Variants in RSRC1 observed in about 807,000 individuals in gnomAD.
RSRC1 encodes arginine and serine rich coiled-coil 1, also known as serine/Arginine-related protein 53.
Under a neutral mutation model 49.1 loss-of-function variants are expected in RSRC1, and 39 were observed. The ratio of observed to expected loss-of-function variants is 0.79; its 90% confidence interval spans 0.61 to 1.04. The LOEUF (loss-of-function observed/expected upper bound fraction) is 1.04. RSRC1 is among the 50% of genes least tolerant of loss of function. RSRC1 has a pLI of 0.00. For missense variants in RSRC1, 388 were observed against 402.4 expected (o/e 0.96, Z 0.31); for synonymous variants, 143 against 130.8 (o/e 1.09, Z -0.63).
At chr3:158,150,131 A>G (rs547911066) in intron 3 of RSRC1, among the ~76,000 whole-genome samples, 1 of 152,346 alleles carries the variant, frequency 6.6e-6, no homozygotes, top group African/African-American at 2.4e-5. Flanking sequence ...AAAAGTTGTA[A>G]AGGACCAAGT....
chr3:158,173,791 C>A (rs1470779732), intron 3 of RSRC1, among the ~76,000 whole-genome samples: 1 of 151,924 alleles, frequency 6.6e-6, no homozygotes, highest in African/African-American at 2.4e-5. Context: ...GAACCAACCA[C>A]TGATGAATGC....
chr3:158,466,262 T>C (rs1284586620), intron 7 of RSRC1, among the ~76,000 whole-genome samples: 3 of 152,330 alleles, frequency 2.0e-5, no homozygotes, highest in East Asian at 3.9e-4. Context: ...CTTTATGGAA[T>C]TGGAAGCCAA....
At chr3:158,248,808 G>A (rs146407944) in intron 4 of RSRC1, among the ~76,000 whole-genome samples, 111 of 152,114 alleles carry the variant, frequency 7.3e-4, no homozygotes, top group Middle Eastern at 3.4e-3. Context: ...ATGTTGCCAG[G>A]GCTGGTCTCA....
chr3:158,339,688 A>G (rs953168903), intron 5 of RSRC1, among the ~76,000 whole-genome samples: 4 of 152,220 alleles, frequency 2.6e-5, no homozygotes, highest in Non-Finnish European at 2.9e-5. Flanking sequence ...TTTATCTCAA[A>G]TATATACTTA....
intron 3 of RSRC1, among the ~76,000 whole-genome samples, chr3:158,139,579 C>T (rs1716611050): frequency 6.6e-6 from 1 of 151,436 alleles, no homozygotes; most frequent in African/African-American, 2.4e-5. Flanking sequence ...GAATAAACTG[C>T]ATTCACAGAG....
intron 5 of RSRC1, among the ~76,000 whole-genome samples, chr3:158,331,886 T>C (rs1729568153): frequency 6.6e-6 from 1 of 151,424 alleles, no homozygotes; most frequent in African/African-American, 2.4e-5. Flanking sequence ...TTATCATTCC[T>C]ACACTACCAT....
chr3:158,487,239 C>G (rs1738849286), intron 7 of RSRC1, among the ~76,000 whole-genome samples: 1 of 152,084 alleles, frequency 6.6e-6, no homozygotes, highest in Non-Finnish European at 1.5e-5. Context: ...AGTCATGTAC[C>G]TATATTGAAT....
chr3:158,260,246 A>G (rs996774134), intron 4 of RSRC1, among the ~76,000 whole-genome samples: 1 of 152,128 alleles, frequency 6.6e-6, no homozygotes, highest in African/African-American at 2.4e-5. Flanking sequence ...CATACTATTC[A>G]GGGCTCAAAG....
chr3:158,343,949 C>T (rs1327859773), intron 5 of RSRC1, among the ~76,000 whole-genome samples: 1 of 152,054 alleles, frequency 6.6e-6, no homozygotes, highest in Non-Finnish European at 1.5e-5. Context: ...AACCAACAGA[C>T]CCAAGAAGCT....
intron 3 of RSRC1, among the ~76,000 whole-genome samples, chr3:158,182,760 A>G (rs1290644400): frequency 6.6e-6 from 1 of 152,190 alleles, no homozygotes; most frequent in East Asian, 1.9e-4. Flanking sequence ...TACGTTTTAA[A>G]TACTATTCTT....
intron 6 of RSRC1, among the ~76,000 whole-genome samples, chr3:158,377,658 C>CT (rs765720304): frequency 2.2e-3 from 316 of 144,182 alleles, no homozygotes; most frequent in Middle Eastern, 3.6e-3. Context: ...TCCGATATTC[C>CT]TTTTTTTTTT....
At chr3:158,258,643 CTCTT>C (rs1724711075) in intron 4 of RSRC1, among the ~76,000 whole-genome samples, 1 of 152,088 alleles carries the variant, frequency 6.6e-6, no homozygotes, top group African/African-American at 2.4e-5. Context: ...CTACCTCTGT[CTCTT>C]TCTCTACCTC....
chr3:158,537,753 G>A lies in RSRC1; in HGVS notation c.759+555G>A, dbSNP rs191735175. On this transcript the variant is annotated intron_variant, in intron 8 of 9. Transcript: ENST00000611884. ...AATTAGGTTTCTATAGTAGGAAAAG[G>A]CATTCTAGGAAATACATGTATTCTT... Among the ~76,000 whole-genome samples, 1,042 of 151,534 alleles carry A rather than the reference G, an allele frequency of 6.9e-3. 9 individuals carry two copies. The highest frequency in any genetic ancestry group is 7.2e-3 in the Non-Finnish European group (485 of 67,588).
intron 7 of RSRC1, among the ~76,000 whole-genome samples, chr3:158,519,095 G>C (rs1042444102): frequency 1.2e-4 from 19 of 152,022 alleles, no homozygotes; most frequent in African/African-American, 4.3e-4. Context: ...GGTCTTTCTC[G>C]TTGTAATGAA....
chr3:158,523,419 A>T (rs565555599), intron 7 of RSRC1, among the ~76,000 whole-genome samples: 1 of 152,188 alleles, frequency 6.6e-6, no homozygotes, highest in African/African-American at 2.4e-5. Flanking sequence ...TCAAGACTAT[A>T]TATTACTATA....
At chr3:158,182,007 T>C (rs1002508446) in intron 3 of RSRC1, among the ~76,000 whole-genome samples, 15 of 152,276 alleles carry the variant, frequency 9.9e-5, no homozygotes, top group Admixed American at 9.8e-4. Flanking sequence ...ATAAATTTTA[T>C]AGTATGTTGG....
intron 7 of RSRC1, among the ~76,000 whole-genome samples, chr3:158,479,538 C>G (rs937999611): frequency 1.8e-4 from 28 of 151,940 alleles, no homozygotes; most frequent in Non-Finnish European, 3.8e-4. Flanking sequence ...TATAGCACCA[C>G]CCAATTTTGG....
At chr3:158,129,834 C>T (rs1235432208) in intron 3 of RSRC1, among the ~76,000 whole-genome samples, 1 of 152,146 alleles carries the variant, frequency 6.6e-6, no homozygotes, top group Non-Finnish European at 1.5e-5. Flanking sequence ...CTTGCTGGGA[C>T]TTTGATTGGA....
chr3:158,346,481 T>C (rs904836853), intron 5 of RSRC1, among the ~76,000 whole-genome samples: 3 of 152,182 alleles, frequency 2.0e-5, no homozygotes, highest in Non-Finnish European at 2.9e-5. Flanking sequence ...GCAAAAGATT[T>C]GAACATCCAT....
Sources: gnomAD v4.1 joint callset for allele counts (sites outside exome capture counted in the v4.1 genomes callset) on GRCh38, gnomAD v4.1.1 for gene constraint, MANE v1.5 for transcripts, NCBI Gene and HGNC (gene_info 2026-07-23, HGNC 2026-07-21) for gene names.